The following ZMAT4 variants were observed in gnomAD, a reference collection of about 807,000 sequenced individuals.
The protein encoded by ZMAT4 is zinc finger matrin-type protein 4.
Under a neutral mutation model 28.7 loss-of-function variants are expected in ZMAT4, and 17 were observed. The observed-to-expected ratio is 0.59, with a 90% CI of 0.41 to 0.89. ZMAT4 has a LOEUF of 0.89. ZMAT4 is among the 40% of genes least tolerant of loss of function. ZMAT4 has a pLI of 0.00. For synonymous variants in ZMAT4, 117 were observed against 109.2 expected (o/e 1.07, Z -0.44); for missense variants, 240 against 283.8 (o/e 0.85, Z 1.11).
chr8:40,651,549 C>A (rs371850789), intron 5 of ZMAT4, among the ~76,000 whole-genome samples: 27 of 147,626 alleles, frequency 1.8e-4, no homozygotes, highest in African/African-American at 1.5e-4. Context: ...GCTACCAATG[C>A]CTTTCTTCAC....
chr8:40,858,053 T>C (rs1018857520), intron 1 of ZMAT4, among the ~76,000 whole-genome samples: 1 of 152,128 alleles, frequency 6.6e-6, no homozygotes. Context: ...GGTTGTATAT[T>C]TTATTTGGGT....
chr8:40,673,190 T>C (rs536235895), intron 5 of ZMAT4, among the ~76,000 whole-genome samples: 62 of 152,206 alleles, frequency 4.1e-4, no homozygotes, highest in Non-Finnish European at 7.1e-4. Flanking sequence ...ATGGAATGCC[T>C]TCTCACCTTC....
intron 5 of ZMAT4, among the ~76,000 whole-genome samples, chr8:40,671,707 C>T (rs547684552): frequency 2.0e-5 from 3 of 152,226 alleles, no homozygotes; most frequent in South Asian, 4.1e-4. Flanking sequence ...GGAAAAGTTA[C>T]GTATCTTAAT....
chr8:40,861,627 C>T (rs999260199), intron 1 of ZMAT4, among the ~76,000 whole-genome samples: 4 of 152,216 alleles, frequency 2.6e-5, no homozygotes, highest in African/African-American at 9.6e-5. Flanking sequence ...TCAGAGTGAA[C>T]AGGCAGCCTA....
chr8:40,831,001 T>A (rs1353529582), intron 1 of ZMAT4, among the ~76,000 whole-genome samples: 1 of 152,240 alleles, frequency 6.6e-6, no homozygotes, highest in Non-Finnish European at 1.5e-5. Flanking sequence ...ATTACCATCA[T>A]TACCATTAAT....
intron 3 of ZMAT4, among the ~76,000 whole-genome samples, chr8:40,707,640 T>C (rs961109039): frequency 6.6e-6 from 1 of 151,668 alleles, no homozygotes; most frequent in African/African-American, 2.4e-5. Context: ...TATAAGTATA[T>C]GTGTGTATAT....
intron 5 of ZMAT4, among the ~76,000 whole-genome samples, chr8:40,582,708 A>G (rs1464447808): frequency 6.6e-6 from 1 of 152,186 alleles, no homozygotes; most frequent in Non-Finnish European, 1.5e-5. Flanking sequence ...ACTTTATGCA[A>G]ATTATTTGAC....
intron 1 of ZMAT4, among the ~76,000 whole-genome samples, chr8:40,827,180 T>G (rs897238410): frequency 1.5e-4 from 23 of 152,182 alleles, no homozygotes; most frequent in South Asian, 2.1e-4. Context: ...CACATGGCAT[T>G]GGATGAGTCA....
At chr8:40,609,817 G>A (rs528452338) in intron 5 of ZMAT4, among the ~76,000 whole-genome samples, 135 of 152,130 alleles carry the variant, frequency 8.9e-4, no homozygotes, top group African/African-American at 3.2e-3. Context: ...AAGTTCTGTT[G>A]TTTACTTAGT....
chr8:40,844,546 C>T (rs893985335), intron 1 of ZMAT4, among the ~76,000 whole-genome samples: 3 of 152,008 alleles, frequency 2.0e-5, no homozygotes, highest in African/African-American at 7.2e-5. Context: ...GCAGGCCTTC[C>T]CTTGGCCTCC....
chr8:40,551,674 G>A (rs1042253416), intron 6 of ZMAT4, among the ~76,000 whole-genome samples: 3 of 152,080 alleles, frequency 2.0e-5, no homozygotes, highest in African/African-American at 4.8e-5. Context: ...CTCTGTCGTC[G>A]AGACCAAGGT....
chr8:40,832,063 G>A (rs1415627134), intron 1 of ZMAT4, among the ~76,000 whole-genome samples: 1 of 152,140 alleles, frequency 6.6e-6, no homozygotes, highest in Non-Finnish European at 1.5e-5. Flanking sequence ...TCCAAGCCAG[G>A]GCTGACCCCT....
Position 40,755,610 on chromosome 8 carries a change from G to T in ZMAT4, c.192+12031C>A, listed in dbSNP as rs538462789. 2.5e-3 allele frequency among the ~76,000 whole-genome samples: 386 copies of T among 152,080 alleles called. 2 individuals carry two copies. Among genetic ancestry groups the T allele is most frequent in the African/African-American group, 9.0e-3 (375 of 41,478 alleles). ...TGGGACTACAGGCATGCACCACCAT[G>T]CCCGGCTAATTTTTGTATTTTTTGT... is the stretch of plus-strand genomic sequence containing the variant. On this transcript the variant is annotated intron_variant, in intron 3 of 6. Coordinates refer to ENST00000297737, the MANE Select transcript of ZMAT4 (RefSeq NM_024645.3).
chr8:40,763,956 T>TA (rs1416055433), intron 3 of ZMAT4, among the ~76,000 whole-genome samples: 1 of 152,024 alleles, frequency 6.6e-6, no homozygotes, highest in African/African-American at 2.4e-5. Flanking sequence ...AGCAGTTACT[T>TA]ACATTTTGCA....
chr8:40,601,521 G>A, intron 5 of ZMAT4, among the ~76,000 whole-genome samples: 1 of 146,536 alleles, frequency 6.8e-6, no homozygotes, highest in African/African-American at 2.5e-5. Context: ...GAAAGAGAAA[G>A]AAAGAGGGAG....
intron 2 of ZMAT4, among the ~76,000 whole-genome samples, chr8:40,788,510 A>C (rs894565635): frequency 6.6e-6 from 1 of 152,134 alleles, no homozygotes; most frequent in Non-Finnish European, 1.5e-5. Context: ...GCGTGAACCC[A>C]GTAGGCAGAG....
intron 6 of ZMAT4, among the ~76,000 whole-genome samples, chr8:40,535,173 C>A (rs990848189): frequency 1.3e-5 from 2 of 152,112 alleles, no homozygotes. Flanking sequence ...CTATTGAAGT[C>A]TGGGCCACAC....
chr8:40,541,249 G>C (rs909382282), intron 6 of ZMAT4, among the ~76,000 whole-genome samples: 1 of 152,206 alleles, frequency 6.6e-6, no homozygotes, highest in Non-Finnish European at 1.5e-5. Flanking sequence ...GGCAGAAACA[G>C]AGACAGGGGA....
chr8:40,724,992 A>G (rs1459868206), intron 3 of ZMAT4, among the ~76,000 whole-genome samples: 1 of 152,078 alleles, frequency 6.6e-6, no homozygotes, highest in African/African-American at 2.4e-5. Context: ...ACCTGTCTAT[A>G]TTTTCCATTA....
Sources: gnomAD v4.1 joint callset for allele counts (sites outside exome capture counted in the v4.1 genomes callset) on GRCh38, gnomAD v4.1.1 for gene constraint, MANE v1.5 for transcripts, NCBI Gene and HGNC (gene_info 2026-07-23, HGNC 2026-07-21) for gene names.